The following GALNT13 variants were observed in gnomAD, a reference collection of about 807,000 sequenced individuals.
GALNT13 encodes UDP-GalNAc:polypeptide N-acetylgalactosaminyltransferase 13.
A neutral mutation model predicts 64.2 loss-of-function variants in GALNT13; 28 were observed. That is an observed-to-expected ratio of 0.44 (90% CI 0.32 to 0.60). The LOEUF (loss-of-function observed/expected upper bound fraction) is 0.60. Ranked by LOEUF, GALNT13 falls within the 20% of genes least tolerant of loss-of-function variation. The probability of loss-of-function intolerance (pLI) is 0.05; values close to 1 mark genes in which losing one functional copy is unlikely to be tolerated. For synonymous variants in GALNT13, 214 were observed against 224.6 expected, an observed-to-expected ratio of 0.95 and a Z score of 0.42; for missense variants, 577 against 669.8, an observed-to-expected ratio of 0.86 and a Z score of 1.53.
the GALNT13 span, among the ~76,000 whole-genome samples, chr2:153,247,647 T>A: frequency 6.6e-6 from 1 of 151,990 alleles, no homozygotes; most frequent in Admixed American, 6.6e-5. Context: ...ATATCACGAT[T>A]AAAATAACTA....
At chr2:153,298,204 C>A in the GALNT13 span, among the ~76,000 whole-genome samples, 1 of 152,102 alleles carries the variant, frequency 6.6e-6, no homozygotes, top group Non-Finnish European at 1.5e-5. Context: ...TTCCTTGATG[C>A]TTAGGTGGCC....
In GALNT13 at chr2:154,259,147, A is replaced by G. The variant is rs1282824036; in HGVS notation, c.975+9A>G. The G allele has an allele frequency of 7.2e-7, 1 of 1,385,422 alleles. No homozygotes were observed. The highest frequency in any genetic ancestry group is 1.4e-5 in the African/African-American group (1 of 70,002). 85.8% of individuals were successfully genotyped at this position (1,385,422 alleles called of 1,614,324 possible). On this transcript the variant is annotated intron_variant, in intron 8 of 12. Transcript: ENST00000392825. ...TTGAAATGTCTTTTAGGGTAATTGCATTTTATTTTATTTTTTGATGCTGAA... is the reference window on the plus strand; with the variant it reads ...TTGAAATGTCTTTTAGGGTAATTGCGTTTTATTTTATTTTTTGATGCTGAA...
the GALNT13 span, among the ~76,000 whole-genome samples, chr2:153,716,959 A>G: frequency 7.7e-3 from 1,170 of 151,656 alleles, 16 homozygotes; most frequent in African/African-American, 0.027. Context: ...TCCTAAAACC[A>G]CTGGCTCTAA....
At chr2:154,073,521 A>G (rs868756849) in intron 3 of GALNT13, among the ~76,000 whole-genome samples, 3 of 151,936 alleles carry the variant, frequency 2.0e-5, no homozygotes, top group African/African-American at 7.2e-5. Context: ...GAAAAGTTAT[A>G]AACAAACGTA....
At chr2:154,058,731 G>A (rs1476929172) in intron 3 of GALNT13, among the ~76,000 whole-genome samples, 2 of 152,148 alleles carry the variant, frequency 1.3e-5, no homozygotes, top group African/African-American at 4.8e-5. Context: ...GAGGGATACT[G>A]GAAATTAATT....
the GALNT13 span, among the ~76,000 whole-genome samples, chr2:153,847,696 G>A: frequency 7.8e-4 from 119 of 152,186 alleles, no homozygotes; most frequent in African/African-American, 2.7e-3. Flanking sequence ...AAAATAAGAC[G>A]TATGTCAAAA....
At chr2:153,468,461 C>A in the GALNT13 span, among the ~76,000 whole-genome samples, 1 of 152,086 alleles carries the variant, frequency 6.6e-6, no homozygotes, top group African/African-American at 2.4e-5. Flanking sequence ...ATATAACATA[C>A]AGATACGAAT....
At chr2:153,069,362 C>T in the GALNT13 span, among the ~76,000 whole-genome samples, 5 of 152,132 alleles carry the variant, frequency 3.3e-5, no homozygotes, top group African/African-American at 9.7e-5. Context: ...TCTCGCACGC[C>T]ATCTTACCTG....
At chr2:153,886,398 T>C (rs1268722431) in intron 1 of GALNT13, among the ~76,000 whole-genome samples, 2 of 151,108 alleles carry the variant, frequency 1.3e-5, no homozygotes. Context: ...GTGTGTGATG[T>C]TCCCCTTCCT....
intron 3 of GALNT13, among the ~76,000 whole-genome samples, chr2:153,993,989 A>G (rs1366476805): frequency 6.6e-6 from 1 of 152,092 alleles, no homozygotes; most frequent in Non-Finnish European, 1.5e-5. Context: ...ATATGTATAC[A>G]TATGCCATGT....
rs74644885 is a variant in GALNT13, at chr2:154,220,024, C to G, written c.312-22006C>G. On this transcript the variant is annotated intron_variant, in intron 4 of 12. Transcript: ENST00000392825. ...AGGTGTGTTGTGCCTCATACTTAAACTAATTGGGGATATTCTTTAAGAAGA... is the reference window on the plus strand; with the variant it reads ...AGGTGTGTTGTGCCTCATACTTAAAGTAATTGGGGATATTCTTTAAGAAGA... Among the ~76,000 whole-genome samples the G allele has an allele frequency of 1.1e-4, 16 of 152,114 alleles. No individual in the cohort carries two copies. In the East Asian group the frequency reaches 3.1e-3, roughly 29 times the overall value.
the GALNT13 span, chr2:153,478,575 G>A: frequency 3.9e-6 from 6 of 1,547,030 alleles, no homozygotes; most frequent in Non-Finnish European, 5.2e-6. Context: ...TCGCAGGAAC[G>A]GGCGGGCGCC....
At chr2:153,831,448 T>C in the GALNT13 span, among the ~76,000 whole-genome samples, 1 of 152,134 alleles carries the variant, frequency 6.6e-6, no homozygotes, top group African/African-American at 2.4e-5. Flanking sequence ...TCTCTTCCCA[T>C]GAGTATCTTC....
chr2:153,312,771 G>A, the GALNT13 span, among the ~76,000 whole-genome samples: 1 of 152,132 alleles, frequency 6.6e-6, no homozygotes, highest in Admixed American at 6.5e-5. Context: ...TCATCGCGTT[G>A]AGGTGGTGGT....
the GALNT13 span, among the ~76,000 whole-genome samples, chr2:153,721,299 C>G: frequency 1.4e-5 from 2 of 146,748 alleles, no homozygotes; most frequent in Non-Finnish European, 3.0e-5. Flanking sequence ...CCTAAAAGAG[C>G]TCCTGAAGGA....
the GALNT13 span, among the ~76,000 whole-genome samples, chr2:153,259,109 T>A: frequency 2.2e-4 from 33 of 152,314 alleles, no homozygotes; most frequent in African/African-American, 5.1e-4. Flanking sequence ...GAGGCTCCAG[T>A]GTTGGGAGTA....
chr2:153,880,678 C>CT (rs1214743716), intron 1 of GALNT13, among the ~76,000 whole-genome samples: 3 of 152,116 alleles, frequency 2.0e-5, no homozygotes, highest in African/African-American at 7.2e-5. Context: ...TTATATATCA[C>CT]TTGTCCTGAA....
intron 4 of GALNT13, among the ~76,000 whole-genome samples, chr2:154,173,313 A>G (rs1351416965): frequency 2.6e-5 from 4 of 151,812 alleles, no homozygotes; most frequent in African/African-American, 9.7e-5. Flanking sequence ...CACTATACAC[A>G]AAAAAACAAA....
chr2:153,484,827 A>T, the GALNT13 span, among the ~76,000 whole-genome samples: 2 of 152,210 alleles, frequency 1.3e-5, no homozygotes, highest in African/African-American at 2.4e-5. Flanking sequence ...AAGATCAACT[A>T]GGATGGGGAT....
Sources: allele counts gnomAD v4.1 joint callset (sites outside exome capture counted in the v4.1 genomes callset), GRCh38; gene constraint gnomAD v4.1.1; transcripts MANE v1.5; gene names NCBI Gene and HGNC (gene_info 2026-07-23, HGNC 2026-07-21).